IREB2: variants seen among roughly 807,000 people sequenced by gnomAD.
IREB2 encodes the protein iron-responsive element-binding protein 2.
A neutral mutation model predicts 118.8 loss-of-function variants in IREB2; 39 were observed. The ratio of observed to expected loss-of-function variants is 0.33; its 90% CI spans 0.25 to 0.43. The LOEUF (loss-of-function observed/expected upper bound fraction) is 0.43. Among genes scored for constraint, IREB2 ranks in the 20% least tolerant of loss-of-function variants. The pLI, the probability that IREB2 is intolerant of heterozygous loss-of-function variation, is 1.00. For synonymous variants in IREB2, 372 were observed against 392.2 expected (o/e 0.95, Z 0.61); for missense variants, 900 against 1,147.3 (o/e 0.78, Z 3.11).
intron 11 of IREB2, among the ~76,000 whole-genome samples, chr15:78,484,492 A>G (rs2051626537): frequency 6.6e-6 from 1 of 152,142 alleles, no homozygotes; most frequent in African/African-American, 2.4e-5. Context: ...ACAAAGCCAA[A>G]TGAGATCTGG....
At chr15:78,469,123 A>C (rs2051332483) in intron 5 of IREB2, among the ~76,000 whole-genome samples, 1 of 152,212 alleles carries the variant, frequency 6.6e-6, no homozygotes, top group Admixed American at 6.5e-5. Context: ...GCTATGTGAT[A>C]ATAGTTACTC....
chr15:78,488,515 T>G, intron 15 of IREB2, 132 bp from the exon 16 acceptor site: 1 of 1,007,276 alleles, frequency 9.9e-7, no homozygotes, highest in East Asian at 2.7e-5. Flanking sequence ...AGGTAATTAG[T>G]TCTTCCAGCC....
At chr15:78,486,300 T>C (rs2051658094) in intron 13 of IREB2, among the ~76,000 whole-genome samples, 1 of 152,220 alleles carries the variant, frequency 6.6e-6, no homozygotes, top group African/African-American at 2.4e-5. Context: ...CCCTGAACTT[T>C]GGAGAAAGTA....
chr15:78,486,880 G>C lies in IREB2; in HGVS notation c.1710-853G>C, dbSNP rs569003640. ...AGACAGAGTTTCACTGTGTTGGCCA[G>C]GCTCGTCTCAAACTTGTTCCCTTAA... On this transcript the variant is annotated intron_variant, in intron 13 of 21. Transcript: ENST00000258886. Among the ~76,000 whole-genome samples, 143 of 152,136 alleles carry C rather than the reference G, an allele frequency of 9.4e-4. 2 individuals are homozygous for C. The highest frequency in any genetic ancestry group is 3.4e-3 in the African/African-American group (142 of 41,500).
intron 2 of IREB2, among the ~76,000 whole-genome samples, chr15:78,448,759 A>G (rs2050974535): frequency 6.6e-6 from 1 of 152,154 alleles, no homozygotes; most frequent in South Asian, 2.1e-4. Flanking sequence ...CTGGTGTCCT[A>G]GCCCCCTTTC....
intron 2 of IREB2, among the ~76,000 whole-genome samples, chr15:78,440,782 GC>G (rs980534286): frequency 6.6e-6 from 1 of 152,102 alleles, no homozygotes; most frequent in African/African-American, 2.4e-5. Context: ...GGCATGGTTT[GC>G]CCCAACCTAC....
intron 18 of IREB2, among the ~76,000 whole-genome samples, chr15:78,492,376 A>G (rs548567449): frequency 1.3e-5 from 2 of 152,280 alleles, no homozygotes; most frequent in Admixed American, 1.3e-4. Context: ...AATTACCAAG[A>G]TTACCAAAAA....
At chr15:78,495,351 T>C (rs1192188392) in intron 20 of IREB2, among the ~76,000 whole-genome samples, 3 of 152,200 alleles carry the variant, frequency 2.0e-5, no homozygotes, top group Non-Finnish European at 1.5e-5. Context: ...GTGTTTGTTT[T>C]TGATGTTGGA....
chr15:78,478,474 G>A, intron 10 of IREB2, 77 bp downstream of exon 10: 1 of 883,844 alleles, frequency 1.1e-6, no homozygotes, highest in East Asian at 2.5e-5. Context: ...AGGTTGGGGT[G>A]GGTTGATTGT....
At chr15:78,459,501 C>A (rs1170456236) in intron 2 of IREB2, among the ~76,000 whole-genome samples, 1 of 152,104 alleles carries the variant, frequency 6.6e-6, no homozygotes, top group Admixed American at 6.5e-5. Context: ...AGGTGCATGC[C>A]ACCATGCCAG....
chr15:78,464,687 T>C (rs1455022588), intron 3 of IREB2, among the ~76,000 whole-genome samples: 1 of 152,200 alleles, frequency 6.6e-6, no homozygotes, highest in Non-Finnish European at 1.5e-5. Flanking sequence ...GGGCTCAAGC[T>C]GTTATTGTAT....
At chr15:78,441,308 G>A (rs1386444471) in intron 2 of IREB2, among the ~76,000 whole-genome samples, 1 of 152,188 alleles carries the variant, frequency 6.6e-6, no homozygotes, top group Admixed American at 6.5e-5. Context: ...GTGTTGATAC[G>A]TTTGTTAAAG....
rs1238271602 is a variant in IREB2, at chr15:78,484,935, A to G, written c.1573+15A>G. The G allele has an allele frequency of 6.2e-7, 1 of 1,600,472 alleles. No individual in the cohort carries two copies. On this transcript the variant is annotated intron_variant, in intron 12 of 21. Transcript: ENST00000258886. ...GCTTGCTGCAGGTGGGTTGTGGTTT[A>G]TGGCCATACTTTTTCTTTTTCCTTA...
intron 8 of IREB2, chr15:78,475,137 T>TA (rs1221075427): frequency 1.3e-5 from 2 of 148,690 alleles, no homozygotes. Context: ...TCTGTATCTA[T>TA]AAAAAAGGGT....
chr15:78,488,633 A>G lies in IREB2; in HGVS notation c.1952-14A>G. 1.3e-6 allele frequency: 2 copies of G among 1,584,202 alleles called. No homozygotes were observed. Among genetic ancestry groups the G allele is most frequent in the African/African-American group, 1.4e-5 (1 of 73,070 alleles). On this transcript the variant is annotated splice_polypyrimidine_tract_variant and intron_variant, in intron 15 of 21. Transcript: ENST00000258886. The stretch of plus-strand genomic sequence containing the variant: ...ATTTTTTTACTGAGTATCATGTTCA[A>G]AAATTTTAACCAGGTACTGACCCCA...
At chr15:78,477,104 C>G (rs1407659024) in intron 9 of IREB2, among the ~76,000 whole-genome samples, 1 of 152,110 alleles carries the variant, frequency 6.6e-6, no homozygotes, top group African/African-American at 2.4e-5. Flanking sequence ...ATATAGAATC[C>G]TGGAGGGAAT....
chr15:78,456,833 A>G (rs191660523), intron 2 of IREB2, among the ~76,000 whole-genome samples: 79 of 152,170 alleles, frequency 5.2e-4, no homozygotes, highest in Middle Eastern at 6.8e-3. Context: ...AGAGAATACT[A>G]TTTTCAATTC....
At chr15:78,461,757 A>T (rs1007298424) in intron 2 of IREB2, among the ~76,000 whole-genome samples, 1 of 152,166 alleles carries the variant, frequency 6.6e-6, no homozygotes, top group African/African-American at 2.4e-5. Context: ...TTTAGCTCTC[A>T]TTAGCTACTC....
rs770239080 is a variant in IREB2 at position 78,470,611 on chromosome 15, AT to A, written c.699+12del. 1.3e-6 allele frequency: 2 copies of A among 1,492,278 alleles called. No individual in the cohort carries two copies. 92.4% of individuals were successfully genotyped at this position (1,492,278 alleles called of 1,614,324 possible). A position where few individuals can be genotyped will look rare whatever the true frequency, so the allele number is the denominator to read the frequency against. The stretch of plus-strand genomic sequence containing the variant: ...GCTTCAGTTTTTTAAGGTATAAATG[AT>A]TCAGGGAAATTTTTGTATTGTAATA... On this transcript the variant is annotated intron_variant, in intron 6 of 21. Transcript: ENST00000258886.
Sources: allele counts gnomAD v4.1 joint callset (sites outside exome capture counted in the v4.1 genomes callset), GRCh38; gene constraint gnomAD v4.1.1; transcripts MANE v1.5; gene names NCBI Gene and HGNC (gene_info 2026-07-23, HGNC 2026-07-21).